The following BCKDHB variants were observed in gnomAD, a reference collection of about 807,000 sequenced individuals.
BCKDHB encodes the protein branched chain keto acid dehydrogenase E1 subunit beta.
A neutral mutation model predicts 48.5 loss-of-function variants in BCKDHB; 41 were observed. The observed-to-expected ratio is 0.85, with a 90% CI of 0.66 to 1.10. BCKDHB has a LOEUF of 1.10. Ranked by LOEUF, BCKDHB falls within the 50% of genes least tolerant of loss-of-function variation. The probability of loss-of-function intolerance (pLI) is 0.00; values close to 1 mark genes in which losing one functional copy is unlikely to be tolerated. For missense variants in BCKDHB, 496 were observed against 494.2 expected, an observed-to-expected ratio of 1.00 and a Z score of -0.03; for synonymous variants, 201 against 174.8, an observed-to-expected ratio of 1.15 and a Z score of -1.18.
intron 9 of BCKDHB, among the ~76,000 whole-genome samples, chr6:80,302,638 T>C (rs1327600432): frequency 6.6e-6 from 1 of 152,192 alleles, no homozygotes; most frequent in Non-Finnish European, 1.5e-5. Flanking sequence ...ATTTGTTATA[T>C]GTCAGTGCAA....
chr6:80,232,792 TA>T (rs538134710), intron 8 of BCKDHB, among the ~76,000 whole-genome samples: 1 of 151,190 alleles, frequency 6.6e-6, no homozygotes, highest in South Asian at 2.1e-4. Flanking sequence ...GTTATATATG[TA>T]TGAGAGTGTG....
chr6:80,435,219 A>G, the BCKDHB span, among the ~76,000 whole-genome samples: 2 of 152,174 alleles, frequency 1.3e-5, no homozygotes, highest in African/African-American at 4.8e-5. Flanking sequence ...ATGAACCTCT[A>G]TCATGGCCAG....
the BCKDHB span, among the ~76,000 whole-genome samples, chr6:80,352,106 T>A: frequency 3.3e-5 from 5 of 151,574 alleles, no homozygotes; most frequent in East Asian, 9.7e-4. Flanking sequence ...TTACAGGCGT[T>A]AGCCACTGCG....
intron 9 of BCKDHB, among the ~76,000 whole-genome samples, chr6:80,295,353 A>C (rs1031100245): frequency 2.6e-5 from 4 of 152,162 alleles, no homozygotes; most frequent in Non-Finnish European, 4.4e-5. Flanking sequence ...AGGAGGAGCA[A>C]AGTCACATCT....
intron 9 of BCKDHB, among the ~76,000 whole-genome samples, chr6:80,313,802 T>G (rs1314520062): frequency 1.3e-5 from 2 of 152,212 alleles, no homozygotes; most frequent in African/African-American, 2.4e-5. Flanking sequence ...CTCCTAGCTT[T>G]GGGGTTTGTT....
chr6:80,350,616 C>A (rs917456402), downstream of BCKDHB, among the ~76,000 whole-genome samples: 7 of 152,032 alleles, frequency 4.6e-5, no homozygotes, highest in African/African-American at 1.7e-4. Flanking sequence ...TATTTTATTC[C>A]ACCATTTATA....
intron 9 of BCKDHB, among the ~76,000 whole-genome samples, chr6:80,324,945 G>T (rs1276267567): frequency 6.6e-6 from 1 of 152,168 alleles, no homozygotes; most frequent in African/African-American, 2.4e-5. Flanking sequence ...ATAGGAAGAT[G>T]GGAAAGGATG....
chr6:80,184,269 A>G (rs1202452545), intron 6 of BCKDHB, among the ~76,000 whole-genome samples: 3 of 152,252 alleles, frequency 2.0e-5, no homozygotes, highest in Non-Finnish European at 4.4e-5. Flanking sequence ...TACTCCTGCT[A>G]GCTTTGGTTT....
chr6:80,309,040 A>G (rs1013963543), intron 9 of BCKDHB, among the ~76,000 whole-genome samples: 2 of 151,614 alleles, frequency 1.3e-5, no homozygotes, highest in Non-Finnish European at 2.9e-5. Context: ...GGGGTGGTCT[A>G]CTATTAAAAG....
chr6:80,173,616 A>G (rs997128278), intron 6 of BCKDHB, among the ~76,000 whole-genome samples: 1 of 152,132 alleles, frequency 6.6e-6, no homozygotes, highest in African/African-American at 2.4e-5. Context: ...GATTATTCTG[A>G]TCCATGCTCA....
chr6:80,414,747 G>T, the BCKDHB span, among the ~76,000 whole-genome samples: 1 of 152,044 alleles, frequency 6.6e-6, no homozygotes, highest in African/African-American at 2.4e-5. Flanking sequence ...GGCTCTTTAT[G>T]GTTCCATAGA....
At chr6:80,405,817 T>C in the BCKDHB span, among the ~76,000 whole-genome samples, 3 of 152,170 alleles carry the variant, frequency 2.0e-5, no homozygotes, top group South Asian at 6.2e-4. Context: ...ACTCTACACT[T>C]CCTTGCTCTC....
At chr6:80,326,927 G>T (rs1015177552) in intron 9 of BCKDHB, among the ~76,000 whole-genome samples, 3 of 152,154 alleles carry the variant, frequency 2.0e-5, no homozygotes, top group African/African-American at 7.2e-5. Context: ...TTTACTGACA[G>T]ACTACATGAG....
At chr6:80,239,866 TC>T (rs1469387966) in intron 8 of BCKDHB, among the ~76,000 whole-genome samples, 1 of 152,206 alleles carries the variant, frequency 6.6e-6, no homozygotes, top group Admixed American at 6.5e-5. Context: ...GGGAATCCTT[TC>T]CCCATTTCTT....
At chr6:80,322,696 T>C (rs1221150559) in intron 9 of BCKDHB, among the ~76,000 whole-genome samples, 1 of 152,044 alleles carries the variant, frequency 6.6e-6, no homozygotes, top group Non-Finnish European at 1.5e-5. Context: ...GTTGCAAAAA[T>C]AGCATGCATC....
the BCKDHB span, among the ~76,000 whole-genome samples, chr6:80,389,367 G>A: frequency 2.6e-5 from 4 of 152,220 alleles, no homozygotes; most frequent in Non-Finnish European, 2.9e-5. Context: ...CCAACACTGA[G>A]CCCTTGATAT....
the BCKDHB span, among the ~76,000 whole-genome samples, chr6:80,354,048 GTTGAA>G: frequency 6.6e-6 from 1 of 151,992 alleles, no homozygotes; most frequent in African/African-American, 2.4e-5. Flanking sequence ...TTTTGTATTT[GTTGAA>G]TTGAGTTTCT....
chr6:80,414,770 G>C, the BCKDHB span, among the ~76,000 whole-genome samples: 1 of 152,220 alleles, frequency 6.6e-6, no homozygotes, highest in South Asian at 2.1e-4. Flanking sequence ...TTTTAAAATA[G>C]CTTTTTCCTA....
At chr6:80,341,403 C>T (rs562395437) in intron 9 of BCKDHB, among the ~76,000 whole-genome samples, 22 of 152,242 alleles carry the variant, frequency 1.4e-4, no homozygotes, top group Admixed American at 7.2e-4. Flanking sequence ...TAAAGCACAA[C>T]GTGGAGTCTT....
Sources: allele counts gnomAD v4.1 joint callset (sites outside exome capture counted in the v4.1 genomes callset), GRCh38; gene constraint gnomAD v4.1.1; transcripts MANE v1.5; gene names NCBI Gene and HGNC (gene_info 2026-07-23, HGNC 2026-07-21).